The following ZBTB7C variants were observed in gnomAD, a reference collection of about 807,000 sequenced individuals.
ZBTB7C encodes the protein zinc finger and BTB domain-containing protein 7C.
ZBTB7C carries 8 observed loss-of-function variants against 25.7 expected under a neutral mutation model. That is an observed-to-expected ratio of 0.31 (90% confidence interval 0.18 to 0.56). The LOEUF is 0.56. Among genes scored for constraint, ZBTB7C ranks in the 20% least tolerant of loss-of-function variants. ZBTB7C has a pLI of 0.91. For synonymous variants in ZBTB7C, 394 were observed against 369.0 expected (o/e 1.07, Z -0.78); for missense variants, 824 against 855.2 (o/e 0.96, Z 0.46).
At chr18:48,185,521 A>T in intron 3 of ZBTB7C, 1 of 296,450 alleles carries the variant, frequency 3.4e-6, no homozygotes, top group Non-Finnish European at 6.6e-6. Flanking sequence ...TTAGTTTAAC[A>T]CACTGTTAAA....
intron 3 of ZBTB7C, among the ~76,000 whole-genome samples, chr18:48,088,915 A>G (rs575378064): frequency 6.6e-5 from 10 of 152,230 alleles, no homozygotes; most frequent in African/African-American, 2.4e-4. Context: ...AGCTTCCTCA[A>G]TGCGAGGCTG....
intron 3 of ZBTB7C, among the ~76,000 whole-genome samples, chr18:48,177,106 T>A (rs1367903770): frequency 6.6e-6 from 1 of 152,256 alleles, no homozygotes; most frequent in African/African-American, 2.4e-5. Context: ...TAAACCCCTT[T>A]AGGGCACAGA....
intron 2 of ZBTB7C, among the ~76,000 whole-genome samples, chr18:48,286,642 C>T (rs1163677453): frequency 6.6e-6 from 1 of 152,046 alleles, no homozygotes; most frequent in Non-Finnish European, 1.5e-5. Flanking sequence ...AATTTAGAAA[C>T]TCTTGTCAAA....
Position 48,300,855 on chromosome 18 carries a change from A to G in ZBTB7C, c.-79+37319T>C, listed in dbSNP as rs984171113. 2.6e-5 allele frequency among the ~76,000 whole-genome samples: 4 copies of G among 152,264 alleles called. No individual in the cohort carries two copies. The East Asian group carries it at 7.7e-4, about 29-fold the overall frequency. On this transcript the variant is annotated intron_variant, in intron 2 of 4. Coordinates refer to ENST00000590800, the MANE Select transcript of ZBTB7C (RefSeq NM_001318841.2). The stretch of plus-strand genomic sequence containing the variant: ...CCAGGGCAGAGTGCATCAGAAGCCC[A>G]TAGGACGGCTTCGCTGCAAAGCAAA...
chr18:48,161,682 C>CACTCGGCT (rs1429411477), intron 3 of ZBTB7C, among the ~76,000 whole-genome samples: 1 of 144,282 alleles, frequency 6.9e-6, no homozygotes, highest in Non-Finnish European at 1.5e-5. Flanking sequence ...CTGCAGCGTT[C>CACTCGGCT]ACTCGGCTGC....
chr18:48,257,719 T>G (rs2044059684), intron 2 of ZBTB7C, among the ~76,000 whole-genome samples: 2 of 152,118 alleles, frequency 1.3e-5, no homozygotes, highest in Admixed American at 1.3e-4. Flanking sequence ...CTAAGTGGTA[T>G]TTATCTCAGG....
chr18:48,028,416 A>G lies in ZBTB7C; in HGVS notation c.*844T>C, dbSNP rs1419664171. ...TCCCCTGATGACCTGATCTCTGTCT[A>G]GTCTGGCCATATTTCTCACCTATGC... is the stretch of plus-strand genomic sequence containing the variant. On this transcript the variant is annotated 3_prime_UTR_variant, in exon 5 of 5. Transcript: ENST00000590800. 1.3e-5 allele frequency: 2 copies of G among 152,202 alleles called. No homozygotes were observed. Among genetic ancestry groups the G allele is most frequent in the African/African-American group, 4.8e-5 (2 of 41,434 alleles). 9.4% of individuals were successfully genotyped at this position (152,202 alleles called of 1,614,324 possible). A position where few individuals can be genotyped will look rare whatever the true frequency, so the allele number is the denominator to read the frequency against.
At chr18:48,297,940 C>G (rs1023806153) in intron 2 of ZBTB7C, among the ~76,000 whole-genome samples, 1 of 152,112 alleles carries the variant, frequency 6.6e-6, no homozygotes, top group Non-Finnish European at 1.5e-5. Flanking sequence ...AATGCAAACT[C>G]CACCTCTTGT....
chr18:48,280,525 C>T (rs1466548527), intron 2 of ZBTB7C, among the ~76,000 whole-genome samples: 1 of 152,188 alleles, frequency 6.6e-6, no homozygotes, highest in African/African-American at 2.4e-5. Flanking sequence ...TATCAACACA[C>T]CCAGAACAAA....
At chr18:48,051,931 T>G in intron 3 of ZBTB7C, among the ~76,000 whole-genome samples, 1 of 151,898 alleles carries the variant, frequency 6.6e-6, no homozygotes. Flanking sequence ...TAGGGGGCAG[T>G]GGGGGGAGAC....
intron 3 of ZBTB7C, among the ~76,000 whole-genome samples, chr18:48,127,147 CT>C (rs1226504713): frequency 2.6e-5 from 4 of 152,134 alleles, no homozygotes; most frequent in Non-Finnish European, 5.9e-5. Flanking sequence ...AATGGGGAAA[CT>C]GTAGCACAGA....
intron 3 of ZBTB7C, among the ~76,000 whole-genome samples, chr18:48,177,293 C>A (rs1171160896): frequency 6.6e-6 from 1 of 152,200 alleles, no homozygotes; most frequent in Non-Finnish European, 1.5e-5. Context: ...TCTGCCTTGA[C>A]CACTTGCCCT....
At position 48,153,827 on chromosome 18, in the gene ZBTB7C, T is replaced by C. The variant is rs532113629; in HGVS notation, c.-17+32107A>G. 3.9e-5 allele frequency among the ~76,000 whole-genome samples: 6 copies of C among 152,316 alleles called. No individual in the cohort carries two copies. The East Asian group carries it at 1.2e-3, about 29-fold the overall frequency. On this transcript the variant is annotated intron_variant, in intron 3 of 4. Coordinates refer to ENST00000590800, the MANE Select transcript of ZBTB7C (RefSeq NM_001318841.2). ...TGTTCTTGACAGGTTCGAGTAAATATGGGAATACACACACTCTGTGAAAAT... is the reference window on the plus strand; with the variant it reads ...TGTTCTTGACAGGTTCGAGTAAATACGGGAATACACACACTCTGTGAAAAT...
At chr18:48,406,727 GCAAT>G (rs1177163709) in intron 1 of ZBTB7C, among the ~76,000 whole-genome samples, 1 of 152,204 alleles carries the variant, frequency 6.6e-6, no homozygotes, top group Non-Finnish European at 1.5e-5. Context: ...GTCCTTGAAA[GCAAT>G]CAAACTTACA....
chr18:48,274,372 T>C (rs1036658842), intron 2 of ZBTB7C, among the ~76,000 whole-genome samples: 1 of 152,220 alleles, frequency 6.6e-6, no homozygotes, highest in African/African-American at 2.4e-5. Flanking sequence ...GACAGCATTA[T>C]GACAGCAAGT....
intron 2 of ZBTB7C, among the ~76,000 whole-genome samples, chr18:48,230,228 G>C (rs931586041): frequency 2.0e-5 from 3 of 152,158 alleles, no homozygotes; most frequent in African/African-American, 7.2e-5. Context: ...TCATCCACCA[G>C]TCCTCTCCCC....
At chr18:48,379,444 C>T (rs1385461734) in intron 1 of ZBTB7C, among the ~76,000 whole-genome samples, 2 of 152,192 alleles carry the variant, frequency 1.3e-5, no homozygotes, top group African/African-American at 4.8e-5. Flanking sequence ...GAACCAATAT[C>T]TTACTATGGA....
intron 3 of ZBTB7C, among the ~76,000 whole-genome samples, chr18:48,048,781 T>C (rs539664974): frequency 1.3e-5 from 2 of 152,302 alleles, no homozygotes; most frequent in Admixed American, 1.3e-4. Context: ...GAAGGGTCCT[T>C]ACAGGCTCCC....
At chr18:48,228,752 C>A (rs1275279963) in intron 2 of ZBTB7C, among the ~76,000 whole-genome samples, 1 of 141,384 alleles carries the variant, frequency 7.1e-6, no homozygotes, top group African/African-American at 2.6e-5. Context: ...CTCTCTCACA[C>A]ACACACACAC....
Sources: allele counts gnomAD v4.1 joint callset (sites outside exome capture counted in the v4.1 genomes callset), GRCh38; gene constraint gnomAD v4.1.1; transcripts MANE v1.5; gene names NCBI Gene and HGNC (gene_info 2026-07-23, HGNC 2026-07-21).